Variants in ZBED4 observed in about 807,000 individuals in gnomAD.
ZBED4 encodes zinc finger BED-type containing 4, also known as zinc finger BED domain-containing protein 4.
A neutral mutation model predicts 15.5 loss-of-function variants in ZBED4; 4 were observed. The observed-to-expected ratio is 0.26, with a 90% CI of 0.13 to 0.59. The LOEUF (loss-of-function observed/expected upper bound fraction) is 0.59. Among genes scored for constraint, ZBED4 ranks in the 20% least tolerant of loss-of-function variants. ZBED4 has a pLI of 0.90. For missense variants in ZBED4, 1,323 were observed against 1,461.8 expected, an observed-to-expected ratio of 0.91 and a Z score of 1.55; for synonymous variants, 692 against 608.5, an observed-to-expected ratio of 1.14 and a Z score of -2.02.
chr22:49,857,529 A>C (rs2147497231), intron 1 of ZBED4, among the ~76,000 whole-genome samples: 1 of 152,084 alleles, frequency 6.6e-6, no homozygotes, highest in South Asian at 2.1e-4. Context: ...AGCAGCTCTG[A>C]CTCCGGGTTT....
Position 49,855,309 on chromosome 22 carries a change from C to G in ZBED4, c.-330+1320C>G, listed in dbSNP as rs1354774707. On this transcript the variant is annotated intron_variant, in intron 1 of 1. Coordinates refer to ENST00000216268, the MANE Select transcript of ZBED4 (RefSeq NM_014838.3). ...AATCTATATGGAAAGAAACCTAAGA[C>G]TTTTAGTCCACTTGACAGGTGGTTA... Among the ~76,000 whole-genome samples, 3 of 152,152 alleles carry G rather than the reference C, an allele frequency of 2.0e-5. No individual in the cohort carries two copies. In the East Asian group the frequency reaches 5.8e-4, roughly 29 times the overall value.
Position 49,885,882 on chromosome 22 carries a change from C to T in ZBED4, c.2220C>T (p.Thr740=). The change falls in exon 2 of 2, where the codon ACC becomes ACT. Residue 740 remains threonine (T), a synonymous_variant. Transcript: ENST00000216268. ...FTSGIWMSNQ[T]REYLTLTAHW... ...CTGGAATATGGATGAGTAACCAGAC[C>T]CGTGAGTACCTGACCCTCACGGCCC... The T allele has an allele frequency of 1.7e-6, 2 of 1,206,062 alleles. No homozygotes were observed. Among genetic ancestry groups the T allele is most frequent in the Non-Finnish European group, 2.5e-6 (2 of 815,148 alleles). The allele number at this position is 1,206,062 out of a possible 1,614,324, so 74.7% of individuals were successfully genotyped here.
intron 1 of ZBED4, among the ~76,000 whole-genome samples, chr22:49,857,797 C>T (rs1223592092): frequency 6.6e-6 from 1 of 152,222 alleles, no homozygotes; most frequent in Non-Finnish European, 1.5e-5. Context: ...TGCTCTGTCA[C>T]CCAGGCTGGA....
chr22:49,856,599 G>A (rs1487056759), intron 1 of ZBED4, among the ~76,000 whole-genome samples: 1 of 152,204 alleles, frequency 6.6e-6, no homozygotes, highest in Non-Finnish European at 1.5e-5. Flanking sequence ...TCGGAATTCA[G>A]GGGACATGCA....
intron 1 of ZBED4, among the ~76,000 whole-genome samples, chr22:49,860,485 T>C (rs980115600): frequency 1.3e-5 from 2 of 152,256 alleles, no homozygotes; most frequent in Non-Finnish European, 2.9e-5. Flanking sequence ...TAGTTAACTT[T>C]GCAGGTTTTT....
At chr22:49,853,741 G>T (rs911782666), upstream of ZBED4, 2 of 149,704 alleles carry the variant, frequency 1.3e-5, no homozygotes, top group African/African-American at 4.9e-5. Flanking sequence ...GGACGAGGCG[G>T]GGCGGGTACG....
In ZBED4 at chr22:49,864,839, A is replaced by AG. The variant is rs1555922730; in HGVS notation, c.-330+10851dup. ...TGTCTCCAAAAAAAAAAAAAAAAAA[A>AG]GCCCTGATTAAACCGTCGTAGAGCT... On this transcript the variant is annotated intron_variant, in intron 1 of 1. Transcript: ENST00000216268. Among the ~76,000 whole-genome samples the AG allele has an allele frequency of 6.8e-5, 9 of 133,112 alleles. 1 individual carries two copies. Among genetic ancestry groups the AG allele is most frequent in the African/African-American group, 2.9e-4 (8 of 27,326 alleles). 87.3% of individuals were successfully genotyped at this position (133,112 alleles called of 152,430 possible). A position where few individuals can be genotyped will look rare whatever the true frequency, so the allele number is the denominator to read the frequency against.
rs1462417905 is a variant in ZBED4 at position 49,887,799 on chromosome 22, T to C, written c.*621T>C. On this transcript the variant is annotated 3_prime_UTR_variant, in exon 2 of 2. Transcript: ENST00000216268. ...TTCATGGAGCTTATTTTGAGAACTT[T>C]CCCATTTCAGGTTTCTGCATTCAGG... 1 of 167,294 alleles carries C rather than the reference T, an allele frequency of 6.0e-6. No homozygotes were observed. The highest frequency in any genetic ancestry group is 1.5e-5 in the Non-Finnish European group (1 of 68,166). 10.4% of individuals were successfully genotyped at this position (167,294 alleles called of 1,614,324 possible). A position where few individuals can be genotyped will look rare whatever the true frequency, so the allele number is the denominator to read the frequency against.
At chr22:49,881,620 G>A (rs2060410156) in intron 1 of ZBED4, among the ~76,000 whole-genome samples, 2 of 152,128 alleles carry the variant, frequency 1.3e-5, no homozygotes, top group East Asian at 1.9e-4. Flanking sequence ...TCAAGTGATC[G>A]TCCCATCTCA....
At chr22:49,862,560 C>A (rs1330968323) in intron 1 of ZBED4, among the ~76,000 whole-genome samples, 1 of 152,196 alleles carries the variant, frequency 6.6e-6, no homozygotes, top group African/African-American at 2.4e-5. Flanking sequence ...TTGCCAGCTT[C>A]CAGAGCCCCT....
At chr22:49,867,724 ACCATCTAGG>A (rs375788921) in intron 1 of ZBED4, among the ~76,000 whole-genome samples, 2,359 of 152,180 alleles carry the variant, frequency 0.016, 61 homozygotes, top group African/African-American at 0.053. Flanking sequence ...CAGATCTAAT[ACCATCTAGG>A]CCTTGTAATA....
chr22:49,862,974 T>A (rs1342304623), intron 1 of ZBED4, among the ~76,000 whole-genome samples: 1 of 151,956 alleles, frequency 6.6e-6, no homozygotes, highest in Non-Finnish European at 1.5e-5. Context: ...AATGCTGGGA[T>A]TACAGGTGTG....
Position 49,885,088 on chromosome 22 carries a change from G to T in ZBED4, c.1426G>T (p.Glu476Ter), listed in dbSNP as rs760058831. The T allele has an allele frequency of 6.2e-7, 1 of 1,613,554 alleles. No homozygotes were observed. Among genetic ancestry groups the T allele is most frequent in the African/African-American group, 1.3e-5 (1 of 74,938 alleles). ...SLAPMDSLKA[E>*]CRYCGCAISR... ...GGCCCCCATGGACAGCCTCAAGGCCGAGTGTCGGTACTGCGGCTGTGCCAT... is the reference window on the plus strand; with the variant it reads ...GGCCCCCATGGACAGCCTCAAGGCCTAGTGTCGGTACTGCGGCTGTGCCAT... Residue 476 changes from glutamate (E) to a stop codon, truncating the protein, a stop_gained, in exon 2 of 2, where the codon GAG becomes TAG. Transcript: ENST00000216268. LOFTEE classifies it low-confidence loss of function (END_TRUNC).
Position 49,886,498 on chromosome 22 carries a change from G to A in ZBED4, c.2836G>A (p.Glu946Lys). The A allele has an allele frequency of 6.4e-7, 1 of 1,566,956 alleles. No homozygotes were observed. Residue 946 changes from glutamate (E) to lysine (K), a missense_variant, in exon 2 of 2, where the codon GAG becomes AAG. By Grantham distance (56) the Glu-to-Lys change is moderately conservative (BLOSUM62 1). This residue lies in a region of ZBED4 where 312 missense variants were observed against 410.7 expected (regional missense o/e 0.76). Coordinates refer to ENST00000216268, the MANE Select transcript of ZBED4 (RefSeq NM_014838.3). This position sits in a 1 kb window ranked among gnomAD's most constrained non-coding sequence, Gnocchi z 7.7. ...AAAGCCCTTCGAGGCTGCGAGCCGG[G>A]AGATGAGCACGCAGATGTCCACCCT... ...ALKPFEAASR[E>K]MSTQMSTLSQ...
intron 1 of ZBED4, among the ~76,000 whole-genome samples, chr22:49,861,945 T>C (rs2060299185): frequency 6.6e-6 from 1 of 152,114 alleles, no homozygotes; most frequent in African/African-American, 2.4e-5. Flanking sequence ...TGCTTCCAAG[T>C]TCCCCCGCAC....
At chr22:49,858,700 C>T (rs182869971) in intron 1 of ZBED4, among the ~76,000 whole-genome samples, 22 of 152,302 alleles carry the variant, frequency 1.4e-4, no homozygotes, top group Admixed American at 2.6e-4. Context: ...ATGACAGTCG[C>T]GTCATCGATG....
chr22:49,877,331 G>T (rs991441476), intron 1 of ZBED4, among the ~76,000 whole-genome samples: 9 of 151,032 alleles, frequency 6.0e-5, no homozygotes, highest in African/African-American at 2.2e-4. Context: ...TTGCTCTGTC[G>T]CCCAGGCTGG....
intron 1 of ZBED4, among the ~76,000 whole-genome samples, chr22:49,855,939 A>C (rs2060273287): frequency 6.6e-6 from 1 of 152,218 alleles, no homozygotes; most frequent in Admixed American, 6.5e-5. Flanking sequence ...CTGTGCCTTT[A>C]GCCCGTGACA....
intron 1 of ZBED4, among the ~76,000 whole-genome samples, chr22:49,854,340 TC>T (rs2060265726): frequency 1.3e-5 from 2 of 150,636 alleles, no homozygotes; most frequent in African/African-American, 2.4e-5. Flanking sequence ...GAGCGCGCTG[TC>T]CCGGCCACGT....
Sources: gnomAD v4.1 joint callset for allele counts (sites outside exome capture counted in the v4.1 genomes callset) on GRCh38, gnomAD v4.1.1 for gene constraint, gnomAD v4.1.1 regional missense constraint, Gnocchi (gnomAD v3.1) non-coding constraint, MANE v1.5 for transcripts, NCBI Gene and HGNC (gene_info 2026-07-23, HGNC 2026-07-21) for gene names.